Variants in TMEM232 observed in about 807,000 individuals in gnomAD.
The protein encoded by TMEM232 is transmembrane protein 232.
Under a neutral mutation model 78.8 loss-of-function variants are expected in TMEM232, and 80 were observed. The observed-to-expected ratio is 1.01, with a 90% CI of 0.85 to 1.22. TMEM232 has a LOEUF of 1.22. TMEM232 is among the 50% of genes most tolerant of loss of function. The probability of loss-of-function intolerance (pLI) is 0.00; values close to 1 mark genes in which losing one functional copy is unlikely to be tolerated. For synonymous variants in TMEM232, 297 were observed against 254.3 expected, an observed-to-expected ratio of 1.17 and a Z score of -1.60; for missense variants, 881 against 742.2, an observed-to-expected ratio of 1.19 and a Z score of -2.17.
At chr5:110,561,706 G>A (rs1009513295) in intron 11 of TMEM232, among the ~76,000 whole-genome samples, 5 of 152,092 alleles carry the variant, frequency 3.3e-5, no homozygotes, top group Non-Finnish European at 5.9e-5. Context: ...GCTGGGAACA[G>A]AGAATGGTTC....
chr5:110,633,397 A>T (rs1785395486), intron 5 of TMEM232, among the ~76,000 whole-genome samples: 1 of 152,172 alleles, frequency 6.6e-6, no homozygotes, highest in Non-Finnish European at 1.5e-5. Context: ...CAACAAGAGG[A>T]AAAGAAGACA....
intron 1 of TMEM232, among the ~76,000 whole-genome samples, chr5:110,698,091 G>T (rs1795012257): frequency 6.6e-6 from 1 of 152,130 alleles, no homozygotes; most frequent in Non-Finnish European, 1.5e-5. Flanking sequence ...TATATACCAT[G>T]GAATACTATC....
At chr5:110,554,882 C>G (rs11948161) in intron 11 of TMEM232, among the ~76,000 whole-genome samples, 14,392 of 152,002 alleles carry the variant, frequency 0.095, 817 homozygotes, top group South Asian at 0.2. Context: ...CTGGTTCAAC[C>G]TTGGGAGGTT....
intron 12 of TMEM232, among the ~76,000 whole-genome samples, chr5:110,481,888 T>G (rs1341520525): frequency 6.6e-6 from 1 of 152,124 alleles, no homozygotes; most frequent in Non-Finnish European, 1.5e-5. Context: ...TGAAAGCTAA[T>G]AAGAATAGGC....
intron 1 of TMEM232, among the ~76,000 whole-genome samples, chr5:110,718,421 T>A (rs1353869254): frequency 6.6e-6 from 1 of 152,132 alleles, no homozygotes; most frequent in Non-Finnish European, 1.5e-5. Flanking sequence ...CTTATTTATG[T>A]TCTTTGTATG....
At chr5:110,540,895 C>A (rs1773021498) in intron 11 of TMEM232, among the ~76,000 whole-genome samples, 1 of 152,182 alleles carries the variant, frequency 6.6e-6, no homozygotes. Flanking sequence ...TGAAATTCTT[C>A]AGCTATTAAA....
chr5:110,696,199 A>G (rs1160824301), intron 1 of TMEM232, among the ~76,000 whole-genome samples: 1 of 152,206 alleles, frequency 6.6e-6, no homozygotes, highest in Non-Finnish European at 1.5e-5. Flanking sequence ...CCAAAGACAA[A>G]AATCACATGA....
intron 12 of TMEM232, among the ~76,000 whole-genome samples, chr5:110,445,970 A>T (rs1759600114): frequency 1.3e-5 from 2 of 152,304 alleles, no homozygotes; most frequent in Admixed American, 1.3e-4. Context: ...GAAATGAATC[A>T]CTAAGTCCAG....
intron 12 of TMEM232, among the ~76,000 whole-genome samples, chr5:110,505,105 G>C (rs986900602): frequency 6.6e-6 from 1 of 152,152 alleles, no homozygotes; most frequent in African/African-American, 2.4e-5. Flanking sequence ...AACTGGAAGA[G>C]AAGACATCTT....
intron 11 of TMEM232, among the ~76,000 whole-genome samples, chr5:110,551,289 TC>T (rs1311835494): frequency 6.6e-6 from 1 of 152,192 alleles, no homozygotes; most frequent in Non-Finnish European, 1.5e-5. Flanking sequence ...AGTGGCCCAA[TC>T]TTGGCTCACT....
At chr5:110,418,792 G>A (rs927111139), downstream of TMEM232, among the ~76,000 whole-genome samples, 4 of 152,160 alleles carry the variant, frequency 2.6e-5, no homozygotes, top group African/African-American at 9.6e-5. Flanking sequence ...ATGCTAGAAA[G>A]TTTCAGAAAT....
chr5:110,506,747 T>C (rs966797154), intron 12 of TMEM232, among the ~76,000 whole-genome samples: 16 of 152,166 alleles, frequency 1.1e-4, no homozygotes, highest in Admixed American at 3.3e-4. Flanking sequence ...TGGAAACCCA[T>C]TGAGTCAGGG....
intron 2 of TMEM232, among the ~76,000 whole-genome samples, chr5:110,403,132 C>G (rs1403737773): frequency 6.6e-6 from 1 of 152,042 alleles, no homozygotes; most frequent in African/African-American, 2.4e-5. Flanking sequence ...ACATTCCCTA[C>G]AAAAAGGTTC....
chr5:110,537,811 A>G (rs1772586812), intron 11 of TMEM232, among the ~76,000 whole-genome samples: 1 of 152,276 alleles, frequency 6.6e-6, no homozygotes, highest in Non-Finnish European at 1.5e-5. Context: ...CTATTTCAAG[A>G]ATCCCAGGAA....
At chr5:110,574,103 T>A (rs182536368) in intron 10 of TMEM232, among the ~76,000 whole-genome samples, 1 of 152,070 alleles carries the variant, frequency 6.6e-6, no homozygotes, top group African/African-American at 2.4e-5. Context: ...CCTCTCTCAA[T>A]AGAATACTAG....
chr5:110,611,055 TA>T (rs1782211760), intron 8 of TMEM232, among the ~76,000 whole-genome samples: 1 of 152,064 alleles, frequency 6.6e-6, no homozygotes, highest in African/African-American at 2.4e-5. Context: ...TAAACAAAAA[TA>T]ATTTTATAAA....
chr5:110,455,668 G>A (rs1319869420), intron 12 of TMEM232, among the ~76,000 whole-genome samples: 11 of 152,016 alleles, frequency 7.2e-5, no homozygotes, highest in Non-Finnish European at 1.2e-4. Flanking sequence ...ATAAGCCACC[G>A]CACCCGGCCC....
At chr5:110,604,275 C>T (rs1274237313) in intron 10 of TMEM232, among the ~76,000 whole-genome samples, 7 of 152,040 alleles carry the variant, frequency 4.6e-5, no homozygotes, top group South Asian at 2.1e-4. Flanking sequence ...AACATTGTCC[C>T]CATAGTACTC....
chr5:110,642,153 A>T, intron 3 of TMEM232, 107 bp downstream of exon 3: 1 of 628,640 alleles, frequency 1.6e-6, no homozygotes, highest in Non-Finnish European at 2.5e-6. Context: ...ACTTATAATT[A>T]AAGAAAGATA....
Sources: gnomAD v4.1 joint callset for allele counts (sites outside exome capture counted in the v4.1 genomes callset) on GRCh38, gnomAD v4.1.1 for gene constraint, MANE v1.5 for transcripts, NCBI Gene and HGNC (gene_info 2026-07-23, HGNC 2026-07-21) for gene names.